Variants in TBXAS1 observed in about 807,000 individuals in gnomAD.
The protein encoded by TBXAS1 is thromboxane A synthase 1.
Under a neutral mutation model 60.7 loss-of-function variants are expected in TBXAS1, and 48 were observed. That is an observed-to-expected ratio of 0.79 (90% CI 0.63 to 1.01). TBXAS1 has a LOEUF of 1.01. Among genes scored for constraint, TBXAS1 ranks in the 50% least tolerant of loss-of-function variants. The pLI, the probability that TBXAS1 is intolerant of heterozygous loss-of-function variation, is 0.00. For missense variants in TBXAS1, 685 were observed against 686.3 expected, an observed-to-expected ratio of 1.00 and a Z score of 0.02; for synonymous variants, 287 against 269.7, an observed-to-expected ratio of 1.06 and a Z score of -0.63.
chr7:139,832,530 CAT>C (rs1161379608), intron 1 of TBXAS1, among the ~76,000 whole-genome samples: 2 of 152,146 alleles, frequency 1.3e-5, no homozygotes, highest in African/African-American at 4.8e-5. Flanking sequence ...GCTTGCAAAA[CAT>C]ATTTGGGGGA....
At chr7:139,897,405 G>T (rs968053036) in intron 3 of TBXAS1, among the ~76,000 whole-genome samples, 1 of 152,180 alleles carries the variant, frequency 6.6e-6, no homozygotes, top group African/African-American at 2.4e-5. Flanking sequence ...ACAAGGCAGG[G>T]AGCAGGGTGT....
At chr7:139,790,557 A>G (rs1797350320) in intron 4 of TBXAS1, among the ~76,000 whole-genome samples, 1 of 152,238 alleles carries the variant, frequency 6.6e-6, no homozygotes, top group Non-Finnish European at 1.5e-5. Context: ...CAGTAGTCAA[A>G]AAGAAAAATG....
chr7:139,865,585 AAGGAGGAGG>A (rs1267186805), intron 1 of TBXAS1, among the ~76,000 whole-genome samples: 1 of 51,168 alleles, frequency 2.0e-5, no homozygotes, highest in Non-Finnish European at 4.1e-5. Flanking sequence ...GAGGAAGAAG[AAGGAGGAGG>A]AGGAGGAGGA....
chr7:139,791,398 C>T (rs777368903), intron 4 of TBXAS1, among the ~76,000 whole-genome samples: 15 of 152,096 alleles, frequency 9.9e-5, no homozygotes, highest in Non-Finnish European at 1.5e-4. Flanking sequence ...GATACCCCCA[C>T]GGGAGATTTT....
chr7:139,957,235 T>G (rs947650737), intron 7 of TBXAS1, among the ~76,000 whole-genome samples: 1 of 152,190 alleles, frequency 6.6e-6, no homozygotes, highest in African/African-American at 2.4e-5. Context: ...CCAGAAAGTT[T>G]GTAAAAAGTA....
intron 4 of TBXAS1, among the ~76,000 whole-genome samples, chr7:139,918,690 T>C (rs1315160772): frequency 1.3e-5 from 2 of 152,180 alleles, no homozygotes; most frequent in African/African-American, 4.8e-5. Flanking sequence ...CAGGCAGGAC[T>C]GCCATAATTA....
At position 139,999,593 on chromosome 7, in the gene TBXAS1, C is replaced by A. The variant is rs1813527030; in HGVS notation, c.1135-7498C>A. On this transcript the variant is annotated intron_variant, in intron 9 of 12. Transcript: ENST00000448866. This position sits in a 1 kb window ranked among gnomAD's most constrained non-coding sequence, Gnocchi z 4.3. ...GGTCAGAAGGGCAAAGCGAAGGTCACCCCATTTTCCACGGCTTGGTTTCAT... is the reference window on the plus strand; with the variant it reads ...GGTCAGAAGGGCAAAGCGAAGGTCAACCCATTTTCCACGGCTTGGTTTCAT... 1.3e-5 allele frequency among the ~76,000 whole-genome samples: 2 copies of A among 152,210 alleles called. No homozygotes were observed. The highest frequency in any genetic ancestry group is 2.9e-5 in the Non-Finnish European group (2 of 68,044).
intron 4 of TBXAS1, among the ~76,000 whole-genome samples, chr7:139,796,755 G>C (rs1415424026): frequency 6.6e-6 from 1 of 152,180 alleles, no homozygotes; most frequent in Non-Finnish European, 1.5e-5. Flanking sequence ...TGGAAATGCT[G>C]TTTTCTGCTC....
rs1053581787 is a variant in TBXAS1, at chr7:140,019,661, G to A, written c.1528-364G>A. On this transcript the variant is annotated intron_variant, in intron 12 of 12. Coordinates refer to ENST00000448866, the MANE Select transcript of TBXAS1 (RefSeq NM_001061.7). ...ACCCAACTCCTCGAGTAATTCTTTG[G>A]TTTTTCTTCAAAGTCCCCAGTCCAC... 3.9e-5 allele frequency among the ~76,000 whole-genome samples: 6 copies of A among 152,292 alleles called. No homozygotes were observed. The East Asian group carries it at 5.8e-4, about 15-fold the overall frequency.
chr7:139,883,819 T>C (rs976713651), intron 3 of TBXAS1, among the ~76,000 whole-genome samples: 2 of 152,198 alleles, frequency 1.3e-5, no homozygotes, highest in Non-Finnish European at 2.9e-5. Flanking sequence ...AATAAAAGTT[T>C]TACAGAAGAA....
intron 1 of TBXAS1, among the ~76,000 whole-genome samples, chr7:139,857,727 T>C (rs560766212): frequency 5.9e-4 from 87 of 146,304 alleles, no homozygotes; most frequent in African/African-American, 2.3e-3. Context: ...CTTTTCTTCT[T>C]AATTTTTTTT....
chr7:139,857,445 C>G (rs1038219041), intron 1 of TBXAS1, among the ~76,000 whole-genome samples: 1 of 152,076 alleles, frequency 6.6e-6, no homozygotes, highest in African/African-American at 2.4e-5. Flanking sequence ...GGTGGAGGAA[C>G]TTTGTCTGGT....
chr7:139,841,080 A>C (rs371511452), intron 1 of TBXAS1, among the ~76,000 whole-genome samples: 19 of 152,330 alleles, frequency 1.2e-4, no homozygotes, highest in African/African-American at 4.6e-4. Context: ...GCACCTCATC[A>C]TCCCCAGCAG....
At chr7:139,803,530 A>G (rs1388733679) in intron 4 of TBXAS1, among the ~76,000 whole-genome samples, 1 of 152,228 alleles carries the variant, frequency 6.6e-6, no homozygotes, top group Non-Finnish European at 1.5e-5. Flanking sequence ...TTGCATAAGT[A>G]AGGAGCCCAA....
chr7:139,812,261 G>C (rs1798037373), intron 4 of TBXAS1, among the ~76,000 whole-genome samples: 1 of 152,192 alleles, frequency 6.6e-6, no homozygotes, highest in Non-Finnish European at 1.5e-5. Context: ...AATTCCGACT[G>C]AGCAAATACA....
chr7:139,842,831 G>A (rs959989173), intron 1 of TBXAS1, among the ~76,000 whole-genome samples: 1 of 152,202 alleles, frequency 6.6e-6, no homozygotes, highest in African/African-American at 2.4e-5. Context: ...CTTAGGTTTC[G>A]CTTGAGCAGT....
chr7:139,916,441 C>T lies in TBXAS1; in HGVS notation c.333+5120C>T, dbSNP rs1805978680. Among the ~76,000 whole-genome samples the T allele has an allele frequency of 6.6e-6, 1 of 152,144 alleles. No individual in the cohort carries two copies. The highest frequency in any genetic ancestry group is 1.9e-4 in the East Asian group (1 of 5,182). On this transcript the variant is annotated intron_variant, in intron 4 of 12. Coordinates refer to ENST00000448866, the MANE Select transcript of TBXAS1 (RefSeq NM_001061.7). The surrounding 1 kb of genome is among the most constrained non-coding windows in gnomAD (Gnocchi z 4.2). ...TCCTCATGAGCAACACAGAGGTCAC[C>T]TCTCCAGGCACAGGTCGAGCCACAC...
chr7:139,831,328 C>A (rs549352207), intron 1 of TBXAS1, among the ~76,000 whole-genome samples: 1 of 152,110 alleles, frequency 6.6e-6, no homozygotes, highest in African/African-American at 2.4e-5. Context: ...GGGAACCACC[C>A]TTGGGCTTTC....
chr7:139,838,074 C>T (rs1799184798), intron 1 of TBXAS1, among the ~76,000 whole-genome samples: 1 of 152,172 alleles, frequency 6.6e-6, no homozygotes. Flanking sequence ...CCCTGTCGCT[C>T]TCTCCCCCAC....
Sources: gnomAD v4.1 joint callset for allele counts (sites outside exome capture counted in the v4.1 genomes callset) on GRCh38, gnomAD v4.1.1 for gene constraint, Gnocchi (gnomAD v3.1) non-coding constraint, MANE v1.5 for transcripts, NCBI Gene and HGNC (gene_info 2026-07-23, HGNC 2026-07-21) for gene names.